Variants in CHD1 observed in about 807,000 individuals in gnomAD.
CHD1 encodes the protein ATP-dependent chromatin remodeler CHD1.
CHD1 carries 36 observed loss-of-function variants against 224.2 expected under a neutral mutation model. That is an observed-to-expected ratio of 0.16 (90% CI 0.12 to 0.21). The LOEUF (loss-of-function observed/expected upper bound fraction) is 0.21. Among genes scored for constraint, CHD1 ranks in the 10% least tolerant of loss-of-function variants. CHD1 has a pLI of 1.00. For synonymous variants in CHD1, 668 were observed against 658.3 expected, an observed-to-expected ratio of 1.01 and a Z score of -0.23; for missense variants, 1,378 against 1,994.8, an observed-to-expected ratio of 0.69 and a Z score of 5.89.
chr5:98,903,779 G>T lies in CHD1; in HGVS notation c.372+13C>A. The T allele has an allele frequency of 6.4e-7, 1 of 1,556,726 alleles. No individual in the cohort carries two copies. Among genetic ancestry groups the T allele is most frequent in the Non-Finnish European group, 8.9e-7 (1 of 1,127,856 alleles). Reference sequence around the variant, plus strand: ...GTCCACTTTTAAAATAATAGCTCATGATGAAAATGCACCTCTTCTGATCCG... The same window carrying T: ...GTCCACTTTTAAAATAATAGCTCATTATGAAAATGCACCTCTTCTGATCCG... On this transcript the variant is annotated intron_variant, in intron 4 of 35. Transcript: ENST00000614616.
intron 23 of CHD1, among the ~76,000 whole-genome samples, chr5:98,878,798 AT>A (rs1749956505): frequency 6.6e-6 from 1 of 152,222 alleles, no homozygotes; most frequent in Non-Finnish European, 1.5e-5. Flanking sequence ...AAATTTTAAA[AT>A]GTTTTTAAAT....
At chr5:98,900,124 T>G (rs1751601547) in intron 7 of CHD1, among the ~76,000 whole-genome samples, 1 of 151,544 alleles carries the variant, frequency 6.6e-6, no homozygotes, top group African/African-American at 2.4e-5. Flanking sequence ...CTGCTAAAAA[T>G]ACAAAAAATC....
intron 17 of CHD1, among the ~76,000 whole-genome samples, chr5:98,887,495 G>C (rs1335818105): frequency 6.6e-6 from 1 of 152,086 alleles, no homozygotes; most frequent in Non-Finnish European, 1.5e-5. Flanking sequence ...AAATTGCTTT[G>C]AGAATTAAGT....
At position 98,863,533 on chromosome 5, in the gene CHD1, A is replaced by G. The variant is rs1580355024; in HGVS notation, c.4302T>C (p.Pro1434=). Residue 1434 remains proline (P), a synonymous_variant, in exon 32 of 36, where the codon CCT becomes CCC. Coordinates refer to ENST00000614616, the MANE Select transcript of CHD1 (RefSeq NM_001270.4). The part of the protein sequence containing the change: ...VKAALKQLDR[P]EKGLSEREQL... The stretch of plus-strand genomic sequence containing the variant: ...GTTCTCTTTCTGAAAGGCCTTTCTC[A>G]GGCCTATCAAGTTGTTTCAAAGCTG... The G allele has an allele frequency of 6.2e-7, 1 of 1,608,962 alleles. No homozygotes were observed. The highest frequency in any genetic ancestry group is 8.5e-7 in the Non-Finnish European group (1 of 1,178,500).
chr5:98,907,874 C>T (rs1752149846), intron 2 of CHD1, among the ~76,000 whole-genome samples: 1 of 151,710 alleles, frequency 6.6e-6, no homozygotes, highest in Non-Finnish European at 1.5e-5. Flanking sequence ...AAATGTTTTA[C>T]ATGATTTTTT....
rs777850807 is a variant in CHD1 at position 98,869,637 on chromosome 5, C to CAA, written c.4107+116_4107+117insTT. On this transcript the variant is annotated intron_variant, in intron 30 of 35. Transcript: ENST00000614616. ...ACGTGCGCGCGCACACACACACACA[C>CAA]ACACACACACACACAGACTTCGGTA... 3.3e-4 allele frequency: 359 copies of CAA among 1,095,480 alleles called. 1 individual carries two copies. The highest frequency in any genetic ancestry group is 2.5e-3 in the Middle Eastern group (9 of 3,548). The allele number at this position is 1,095,480 out of a possible 1,614,324, so 67.9% of individuals were successfully genotyped here. A position where few individuals can be genotyped will look rare whatever the true frequency, so the allele number is the denominator to read the frequency against.
intron 32 of CHD1, among the ~76,000 whole-genome samples, chr5:98,862,107 A>C (rs1419432200): frequency 6.6e-6 from 1 of 152,128 alleles, no homozygotes; most frequent in Non-Finnish European, 1.5e-5. Flanking sequence ...CAGCGAGCTG[A>C]GATTCGCCAC....
Position 98,872,403 on chromosome 5 carries a change from A to T in CHD1, c.3710+14T>A. 1 of 1,602,780 alleles carries T rather than the reference A, an allele frequency of 6.2e-7. No homozygotes were observed. Among genetic ancestry groups the T allele is most frequent in the South Asian group, 1.1e-5 (1 of 87,826 alleles). On this transcript the variant is annotated intron_variant, in intron 27 of 35. Coordinates refer to ENST00000614616, the MANE Select transcript of CHD1 (RefSeq NM_001270.4). Reference sequence around the variant, plus strand: ...ATAACAAAAATCTTACAATGGAGAAAATAAATCACTCACTGCTTTCTTTCT... The same window carrying T: ...ATAACAAAAATCTTACAATGGAGAATATAAATCACTCACTGCTTTCTTTCT...
In CHD1 at chr5:98,856,726, C is replaced by A; in HGVS notation, c.4788-1G>T. The A allele has an allele frequency of 5.8e-6, 9 of 1,542,534 alleles. No individual in the cohort carries two copies. The highest frequency in any genetic ancestry group is 2.4e-5 in the South Asian group (2 of 84,096). On this transcript the variant is annotated splice_acceptor_variant, in intron 35 of 35. Transcript: ENST00000614616. LOFTEE classifies it high-confidence loss of function. ...GTGTTTCTCTCTGTCACTGTAATAT[C>A]TAATAAAGAAAAATTGAGAATTTTA...
intron 2 of CHD1, among the ~76,000 whole-genome samples, chr5:98,920,744 G>A (rs1024976592): frequency 2.6e-5 from 4 of 151,338 alleles, no homozygotes; most frequent in Admixed American, 6.6e-5. Flanking sequence ...TTGCAGTGAG[G>A]TGAGATCGTG....
intron 2 of CHD1, among the ~76,000 whole-genome samples, chr5:98,909,040 T>A (rs565669249): frequency 6.6e-6 from 1 of 152,180 alleles, no homozygotes; most frequent in Admixed American, 6.5e-5. Context: ...AGCTCCACAA[T>A]TAGCAACTCA....
In CHD1 at chr5:98,872,533, C is replaced by A; in HGVS notation, c.3594G>T (p.Lys1198Asn). 2 of 1,613,184 alleles carry A rather than the reference C, an allele frequency of 1.2e-6. No homozygotes were observed. The highest frequency in any genetic ancestry group is 8.5e-7 in the Non-Finnish European group (1 of 1,179,704). Reference sequence around the variant, plus strand: ...CTCCTGATATTCGGAATGTTGGACCCTTCACTTTTCCGAGTCTACCACCTT... The same window carrying A: ...CTCCTGATATTCGGAATGTTGGACCATTCACTTTTCCGAGTCTACCACCTT... ...ERTGGRLGKV[K>N]GPTFRISGVQ... The change falls in exon 27 of 36, where the codon AAG (lysine) becomes AAT (asparagine). Residue 1198 changes from lysine (K) to asparagine (N), a missense_variant. This residue lies in a region of CHD1 where 286 missense variants were observed against 445.1 expected (regional missense o/e 0.64). Transcript: ENST00000614616.
intron 31 of CHD1, among the ~76,000 whole-genome samples, 157 bp downstream of exon 31, chr5:98,868,338 A>AG (rs1749061790): frequency 6.6e-6 from 1 of 151,836 alleles, no homozygotes; most frequent in African/African-American, 2.4e-5. Flanking sequence ...AAAGAAAAAA[A>AG]AAAAAAAAAA....
chr5:98,861,790 T>C (rs187894673), intron 32 of CHD1, among the ~76,000 whole-genome samples: 7 of 151,840 alleles, frequency 4.6e-5, no homozygotes, highest in South Asian at 2.1e-4. Context: ...GCATGAGCCA[T>C]TGTGCCCAGC....
intron 15 of CHD1, among the ~76,000 whole-genome samples, chr5:98,892,092 A>G (rs961847937): frequency 1.3e-5 from 2 of 152,160 alleles, no homozygotes; most frequent in African/African-American, 2.4e-5. Flanking sequence ...GAAAAGTCCT[A>G]CTGTATAGAT....
At position 98,883,186 on chromosome 5, in the gene CHD1, C is replaced by T; in HGVS notation, c.2620G>A (p.Ala874Thr). Residue 874 changes from alanine (A) to threonine (T), a missense_variant, in exon 19 of 36, where the codon GCC becomes ACC. Around this residue, in one of 16 missense-constraint regions of CHD1, gnomAD observed 57 missense variants for 177.2 expected, o/e 0.32. Coordinates refer to ENST00000614616, the MANE Select transcript of CHD1 (RefSeq NM_001270.4). ...AATATAACAACAGTGTCAGCAGAGGCTAAATTAATCCCTAGACCTCCAGCT... is the reference window on the plus strand; with the variant it reads ...AATATAACAACAGTGTCAGCAGAGGTTAAATTAATCCCTAGACCTCCAGCT... ...TRAGGLGINL[A>T]SADTVVIFDS... 6.2e-7 allele frequency: 1 copy of T among 1,605,052 alleles called. No individual in the cohort carries two copies. Among genetic ancestry groups the T allele is most frequent in the Non-Finnish European group, 8.5e-7 (1 of 1,176,804 alleles).
chr5:98,869,542 T>C (rs1198467255), intron 30 of CHD1: 2 of 541,040 alleles, frequency 3.7e-6, no homozygotes, highest in East Asian at 3.5e-5. Flanking sequence ...TCTAGTGCTA[T>C]ATAATATCTA....
chr5:98,865,261 A>C (rs960075969), intron 31 of CHD1, among the ~76,000 whole-genome samples: 18 of 152,218 alleles, frequency 1.2e-4, no homozygotes, highest in Non-Finnish European at 4.4e-5. Flanking sequence ...GGAACCAAGT[A>C]AGTCAGAGAA....
intron 2 of CHD1, among the ~76,000 whole-genome samples, chr5:98,908,283 T>G (rs1399739137): frequency 6.6e-6 from 1 of 152,150 alleles, no homozygotes; most frequent in African/African-American, 2.4e-5. Flanking sequence ...GAGTCCCACC[T>G]CACAGCTACT....
Sources: allele counts gnomAD v4.1 joint callset (sites outside exome capture counted in the v4.1 genomes callset), GRCh38; gene constraint gnomAD v4.1.1; regional missense constraint gnomAD v4.1.1; transcripts MANE v1.5; gene names NCBI Gene and HGNC (gene_info 2026-07-23, HGNC 2026-07-21).